Variants in DSCAM observed in about 807,000 individuals in gnomAD.
DSCAM encodes the protein DS cell adhesion molecule, also known as cell adhesion molecule DSCAM.
In DSCAM, 47 loss-of-function variants were observed where a neutral mutation model predicts 217.7. The observed-to-expected ratio is 0.22, with a 90% CI of 0.17 to 0.28. DSCAM has a LOEUF of 0.28. Among genes scored for constraint, DSCAM ranks in the 10% least tolerant of loss-of-function variants. The pLI is 1.00. For synonymous variants in DSCAM, 1,056 were observed against 1,015.3 expected (o/e 1.04, Z -0.76); for missense variants, 2,080 against 2,618.3 (o/e 0.79, Z 4.49).
chr21:40,658,801 T>G (rs1182662387), intron 3 of DSCAM, among the ~76,000 whole-genome samples: 1 of 152,238 alleles, frequency 6.6e-6, no homozygotes, highest in Non-Finnish European at 1.5e-5. Flanking sequence ...AGAAAGGCTC[T>G]TATTATGTAC....
intron 3 of DSCAM, among the ~76,000 whole-genome samples, chr21:40,533,416 A>G (rs1043621634): frequency 6.8e-6 from 1 of 146,538 alleles, no homozygotes; most frequent in Non-Finnish European, 1.5e-5. Context: ...AAATGAATCC[A>G]CCTATCTATT....
At chr21:40,585,807 C>A (rs558810194) in intron 3 of DSCAM, among the ~76,000 whole-genome samples, 2 of 152,132 alleles carry the variant, frequency 1.3e-5, no homozygotes, top group African/African-American at 4.8e-5. Flanking sequence ...TGAGAGTGCC[C>A]CTGAGAGTTG....
chr21:40,498,707 ATATG>A, intron 3 of DSCAM, among the ~76,000 whole-genome samples: 1 of 7,796 alleles, frequency 1.3e-4, no homozygotes, highest in Admixed American at 1.5e-3. Context: ...AGATATATAT[ATATG>A]GGTGTATATA....
At position 40,227,529 on chromosome 21, in the gene DSCAM, A is replaced by G. The variant is rs137906591; in HGVS notation, c.2357-38291T>C. Among the ~76,000 whole-genome samples, 403 of 152,252 alleles carry G rather than the reference A, an allele frequency of 2.6e-3. 3 individuals carry two copies. Among genetic ancestry groups the G allele is most frequent in the African/African-American group, 9.2e-3 (384 of 41,566 alleles). The stretch of plus-strand genomic sequence containing the variant: ...GCAGCTGTCTCAAGTTCTTCCCATG[A>G]TATTTCTCAGAATTTGAAATGTGAT... On this transcript the variant is annotated intron_variant, in intron 11 of 32. Transcript: ENST00000400454.
intron 30 of DSCAM, among the ~76,000 whole-genome samples, chr21:40,047,117 A>G (rs1302390123): frequency 6.6e-6 from 1 of 152,078 alleles, no homozygotes; most frequent in East Asian, 1.9e-4. Flanking sequence ...TCAGTTCTGT[A>G]CTGCGCTAGG....
intron 4 of DSCAM, among the ~76,000 whole-genome samples, chr21:40,365,990 G>A (rs2074828474): frequency 6.6e-6 from 1 of 151,580 alleles, no homozygotes; most frequent in African/African-American, 2.4e-5. Context: ...TGTTCTTTTG[G>A]TCTATTTTCT....
At chr21:40,396,078 G>A (rs568921214) in intron 3 of DSCAM, among the ~76,000 whole-genome samples, 7 of 152,156 alleles carry the variant, frequency 4.6e-5, no homozygotes, top group African/African-American at 1.4e-4. Context: ...CTTCTGAACC[G>A]CCGACAGGGT....
intron 11 of DSCAM, among the ~76,000 whole-genome samples, chr21:40,201,025 A>G (rs1258470165): frequency 1.3e-5 from 2 of 152,246 alleles, no homozygotes; most frequent in Non-Finnish European, 2.9e-5. Context: ...ATACTAAAAT[A>G]TCTCCTCAGC....
intron 3 of DSCAM, among the ~76,000 whole-genome samples, chr21:40,686,867 C>T (rs1555880666): frequency 6.6e-6 from 1 of 152,076 alleles, no homozygotes; most frequent in Non-Finnish European, 1.5e-5. Flanking sequence ...GGGTAACATG[C>T]AAAACCTAAT....
At chr21:40,814,992 T>C (rs2091868558) in intron 1 of DSCAM, among the ~76,000 whole-genome samples, 1 of 152,172 alleles carries the variant, frequency 6.6e-6, no homozygotes, top group African/African-American at 2.4e-5. Flanking sequence ...AGAAAAGCCC[T>C]TGAGAAGGGC....
At chr21:40,586,657 CAAGATATTTCTGG>C (rs1568923226) in intron 3 of DSCAM, among the ~76,000 whole-genome samples, 2 of 152,134 alleles carry the variant, frequency 1.3e-5, no homozygotes, top group Non-Finnish European at 2.9e-5. Flanking sequence ...CCTTAAGGTG[CAAGATATTTCTGG>C]TGACATTGCT....
intron 1 of DSCAM, among the ~76,000 whole-genome samples, chr21:40,775,770 CAATAAATG>C (rs1254406119): frequency 6.6e-6 from 1 of 152,126 alleles, no homozygotes; most frequent in African/African-American, 2.4e-5. Flanking sequence ...GGAACTTCCT[CAATAAATG>C]AAGAGATGTC....
chr21:40,542,324 T>A (rs947363083), intron 3 of DSCAM, among the ~76,000 whole-genome samples: 1 of 152,208 alleles, frequency 6.6e-6, no homozygotes, highest in East Asian at 1.9e-4. Flanking sequence ...AGAAACACAT[T>A]TGGATGCCCA....
At chr21:40,820,114 A>G (rs2091913337) in intron 1 of DSCAM, among the ~76,000 whole-genome samples, 1 of 152,208 alleles carries the variant, frequency 6.6e-6, no homozygotes, top group South Asian at 2.1e-4. Context: ...TACGGGGTAT[A>G]TACCCAGAGG....
At chr21:40,388,948 G>A (rs918552829) in intron 3 of DSCAM, among the ~76,000 whole-genome samples, 1 of 152,154 alleles carries the variant, frequency 6.6e-6, no homozygotes, top group African/African-American at 2.4e-5. Flanking sequence ...TACAGTAAAT[G>A]TAGTGTACAG....
Position 40,312,206 on chromosome 21 carries a change from T to A in DSCAM, c.1937A>T (p.Asp646Val), listed in dbSNP as rs1305233057. Residue 646 changes from aspartate to valine, a missense_variant, in exon 9 of 33, where the codon GAC becomes GTC. Physicochemically the swap from Asp to Val is radical, Grantham distance 152. This residue lies in a region of DSCAM where 218 missense variants were observed against 364.1 expected (regional missense o/e 0.60). Coordinates refer to ENST00000400454, the MANE Select transcript of DSCAM (RefSeq NM_001389.5). ...PIPGSLGVTI[D>V]NIDFTSSLRI... is the part of the protein sequence containing the mutation. ...CAAGGAGCTCGTGAAGTCAATATTG[T>A]CAATGGTCACCCCAAGGCTCCCAGG... The A allele has an allele frequency of 6.2e-7, 1 of 1,614,060 alleles. No individual in the cohort carries two copies. Among genetic ancestry groups the A allele is most frequent in the Admixed American group, 1.7e-5 (1 of 60,000 alleles).
intron 2 of DSCAM, among the ~76,000 whole-genome samples, chr21:40,695,597 A>C (rs2090586751): frequency 6.6e-6 from 1 of 152,180 alleles, no homozygotes; most frequent in Non-Finnish European, 1.5e-5. Context: ...AGAAAACTGC[A>C]CACTCCCCAT....
chr21:40,102,874 G>A (rs1247738647), intron 20 of DSCAM, among the ~76,000 whole-genome samples: 1 of 152,110 alleles, frequency 6.6e-6, no homozygotes, highest in Non-Finnish European at 1.5e-5. Context: ...TCCACTGTGG[G>A]TTATGGTCTT....
intron 3 of DSCAM, among the ~76,000 whole-genome samples, chr21:40,573,109 G>A (rs1048689253): frequency 3.9e-5 from 6 of 152,052 alleles, no homozygotes; most frequent in African/African-American, 4.8e-5. Context: ...AGGCCGAGGC[G>A]GGCAGATCAT....
Sources: allele counts gnomAD v4.1 joint callset (sites outside exome capture counted in the v4.1 genomes callset), GRCh38; gene constraint gnomAD v4.1.1; regional missense constraint gnomAD v4.1.1; transcripts MANE v1.5; gene names NCBI Gene and HGNC (gene_info 2026-07-23, HGNC 2026-07-21).